LYPD6B: variants seen among roughly 807,000 people sequenced by gnomAD.
LYPD6B encodes LY6/PLAUR domain containing 6B, also known as ly6/PLAUR domain-containing protein 6B.
Under a neutral mutation model 22.8 loss-of-function variants are expected in LYPD6B, and 17 were observed. The ratio of observed to expected loss-of-function variants is 0.75; its 90% CI spans 0.51 to 1.12. The LOEUF is 1.12. Ranked by LOEUF, LYPD6B falls within the 50% of genes most tolerant of loss-of-function variation. The probability of loss-of-function intolerance (pLI) is 0.00; values close to 1 mark genes in which losing one functional copy is unlikely to be tolerated. For synonymous variants in LYPD6B, 106 were observed against 91.6 expected, an observed-to-expected ratio of 1.16 and a Z score of -0.90; for missense variants, 221 against 258.3, an observed-to-expected ratio of 0.86 and a Z score of 0.99.
chr2:149,096,908 G>T (rs1031325678), intron 1 of LYPD6B, among the ~76,000 whole-genome samples: 3 of 152,182 alleles, frequency 2.0e-5, no homozygotes, highest in African/African-American at 7.2e-5. Flanking sequence ...AGTGTGAATA[G>T]AACCTTTAAA....
At chr2:149,194,503 CA>C (rs951275900) in intron 3 of LYPD6B, among the ~76,000 whole-genome samples, 1 of 152,252 alleles carries the variant, frequency 6.6e-6, no homozygotes, top group South Asian at 2.1e-4. Flanking sequence ...GTGCTAGCAG[CA>C]GAGAAAATCA....
intron 3 of LYPD6B, among the ~76,000 whole-genome samples, chr2:149,173,924 G>A (rs1691049818): frequency 6.6e-6 from 1 of 152,152 alleles, no homozygotes; most frequent in African/African-American, 2.4e-5. Flanking sequence ...GTCTAATTCT[G>A]TGAAGAATGT....
At chr2:149,161,122 G>A (rs1357397838) in intron 3 of LYPD6B, among the ~76,000 whole-genome samples, 1 of 152,114 alleles carries the variant, frequency 6.6e-6, no homozygotes, top group Admixed American at 6.6e-5. Flanking sequence ...AGCTAATTTG[G>A]TCAATTGAAA....
rs1014890834 is a variant in LYPD6B, at chr2:149,213,073, G to A, written c.410G>A (p.Ser137Asn). 3 of 1,613,864 alleles carry A rather than the reference G, an allele frequency of 1.9e-6. No homozygotes were observed. Among genetic ancestry groups the A allele is most frequent in the African/African-American group, 1.3e-5 (1 of 74,912 alleles). Residue 137 changes from serine to asparagine, a missense_variant, in exon 6 of 7, where the codon AGT becomes AAT. Coordinates refer to ENST00000409642, the MANE Select transcript of LYPD6B (RefSeq NM_177964.5). The stretch of plus-strand genomic sequence containing the variant: ...ATCACCAAAAAGTGTGCCTCCAGAA[G>A]TGAATGTCATTTTGTCGGTTGCCAC... ...TSITKKCASR[S>N]ECHFVGCHHS...
chr2:149,130,828 C>A (rs1359501823), intron 1 of LYPD6B, 55 bp from the exon 2 acceptor site: 5 of 791,754 alleles, frequency 6.3e-6, no homozygotes, highest in Non-Finnish European at 1.1e-5. Flanking sequence ...ATCCCTTTAT[C>A]CCAAATGTCT....
chr2:149,199,371 T>A (rs184252425), intron 3 of LYPD6B, among the ~76,000 whole-genome samples: 37 of 152,304 alleles, frequency 2.4e-4, no homozygotes, highest in Admixed American at 4.6e-4. Flanking sequence ...TCAAAGATGA[T>A]TGTATTAATT....
chr2:149,120,784 C>CTTTTTTTTTTTTTTTTTTTTTT, intron 1 of LYPD6B, among the ~76,000 whole-genome samples: 1 of 95,554 alleles, frequency 1.0e-5, no homozygotes, highest in Non-Finnish European at 1.9e-5. Context: ...GCTACAAAGT[C>CTTTTTTTTTTTTTTTTTTTTTT]TTTTTTTTTT....
rs74703900 is a variant in LYPD6B, at chr2:149,059,530, G to A, written c.-67+20729G>A. Among the ~76,000 whole-genome samples, 611 of 152,340 alleles carry A rather than the reference G, an allele frequency of 4.0e-3. 6 individuals carry two copies. Among genetic ancestry groups the A allele is most frequent in the African/African-American group, 0.014 (573 of 41,580 alleles). On this transcript the variant is annotated intron_variant, in intron 1 of 6. Transcript: ENST00000409642. ...AGGGGTGTTGAGCAGTTTAATTAACGTTATTAGAAATGAAGACTTGGTTAT... is the reference window on the plus strand; with the variant it reads ...AGGGGTGTTGAGCAGTTTAATTAACATTATTAGAAATGAAGACTTGGTTAT...
At chr2:149,133,885 C>T (rs527753214) in intron 2 of LYPD6B, among the ~76,000 whole-genome samples, 4 of 152,168 alleles carry the variant, frequency 2.6e-5, no homozygotes, top group African/African-American at 9.6e-5. Flanking sequence ...GTAGTTACAG[C>T]AGTGAACAAG....
At chr2:149,192,012 T>G (rs1423812594) in intron 3 of LYPD6B, among the ~76,000 whole-genome samples, 2 of 152,176 alleles carry the variant, frequency 1.3e-5, no homozygotes. Flanking sequence ...TAGAGATGGC[T>G]GAAATATTTG....
intron 3 of LYPD6B, among the ~76,000 whole-genome samples, chr2:149,175,675 AT>A (rs1198259398): frequency 1.3e-5 from 2 of 150,624 alleles, no homozygotes; most frequent in Non-Finnish European, 3.0e-5. Context: ...TTACATCCTT[AT>A]TCTATCAGCC....
chr2:149,168,679 T>G (rs1047610059), intron 3 of LYPD6B, among the ~76,000 whole-genome samples: 1 of 152,260 alleles, frequency 6.6e-6, no homozygotes, highest in Non-Finnish European at 1.5e-5. Context: ...TTGTTATTCC[T>G]GGATGGCAGA....
At chr2:149,110,512 C>G (rs1213326635) in intron 1 of LYPD6B, among the ~76,000 whole-genome samples, 2 of 152,094 alleles carry the variant, frequency 1.3e-5, no homozygotes, top group African/African-American at 4.8e-5. Flanking sequence ...GTTTGCTAGG[C>G]AGGATCATAG....
chr2:149,179,194 C>G (rs1691536175), intron 3 of LYPD6B, among the ~76,000 whole-genome samples: 1 of 152,170 alleles, frequency 6.6e-6, no homozygotes, highest in African/African-American at 2.4e-5. Context: ...AGTTATCAGG[C>G]TGGGGACCTG....
rs1332515547 is a variant in LYPD6B, at chr2:149,208,475, A to C, written c.328+63A>C. The stretch of plus-strand genomic sequence containing the variant: ...TTTCATTTGAATCTCTCCTGACTTG[A>C]TGATGTTCTTTAGGAATCAGATGTA... On this transcript the variant is annotated intron_variant, in intron 5 of 6. Coordinates refer to ENST00000409642, the MANE Select transcript of LYPD6B (RefSeq NM_177964.5). The C allele has an allele frequency of 2.4e-6, 3 of 1,267,220 alleles. No individual in the cohort carries two copies. In the Admixed American group the frequency reaches 5.2e-5, roughly 22 times the overall value. The allele number at this position is 1,267,220 out of a possible 1,614,324, so 78.5% of individuals were successfully genotyped here.
At chr2:149,099,245 T>TA (rs1277552149) in intron 1 of LYPD6B, among the ~76,000 whole-genome samples, 4 of 152,128 alleles carry the variant, frequency 2.6e-5, no homozygotes, top group African/African-American at 9.7e-5. Flanking sequence ...AAATAACAAC[T>TA]AAAAAAATTA....
At chr2:149,044,755 T>A (rs1683235279) in intron 1 of LYPD6B, among the ~76,000 whole-genome samples, 1 of 152,070 alleles carries the variant, frequency 6.6e-6, no homozygotes, top group Non-Finnish European at 1.5e-5. Flanking sequence ...GTAGATACAA[T>A]ATGATGTTAA....
chr2:149,062,618 G>A (rs1684139963), intron 1 of LYPD6B, among the ~76,000 whole-genome samples: 1 of 151,956 alleles, frequency 6.6e-6, no homozygotes. Context: ...TCTTAAAGTA[G>A]TTGCTTCTAA....
chr2:149,121,584 G>A (rs947002085), intron 1 of LYPD6B, among the ~76,000 whole-genome samples: 1 of 152,130 alleles, frequency 6.6e-6, no homozygotes, highest in African/African-American at 2.4e-5. Flanking sequence ...CTCCAACAGT[G>A]GAAAGTCATG....
Sources: gnomAD v4.1 joint callset for allele counts (sites outside exome capture counted in the v4.1 genomes callset) on GRCh38, gnomAD v4.1.1 for gene constraint, MANE v1.5 for transcripts, NCBI Gene and HGNC (gene_info 2026-07-23, HGNC 2026-07-21) for gene names.